The following RGS11 variants were observed in gnomAD, a reference collection of about 807,000 sequenced individuals.
RGS11 encodes regulator of G-protein signaling 11.
Under a neutral mutation model 71.1 loss-of-function variants are expected in RGS11, and 86 were observed. The observed-to-expected ratio is 1.21, with a 90% confidence interval of 1.02 to 1.45. RGS11 has a LOEUF of 1.45. Ranked by LOEUF, RGS11 falls within the 40% of genes most tolerant of loss-of-function variation. The pLI is 0.00. For synonymous variants in RGS11, 298 were observed against 254.2 expected (o/e 1.17, Z -1.64); for missense variants, 734 against 635.1 (o/e 1.16, Z -1.67).
Position 268,824 on chromosome 16 carries a change from C to T in RGS11, c.*445G>A, listed in dbSNP as rs572158496. 4.5e-5 allele frequency: 70 copies of T among 1,550,340 alleles called. No homozygotes were observed. In the African/African-American group the frequency reaches 6.2e-4, roughly 14 times the overall value. ...AGGCTCTTGGACGGGGCAGAGCTCG[C>T]GCCGAGACCTGCATGTCCGCGTCTT... On this transcript the variant is annotated 3_prime_UTR_variant, in exon 17 of 17. Transcript: ENST00000397770.
chr16:274,891 C>T (rs748803901), intron 4 of RGS11, 85 bp downstream of exon 4: 2 of 1,525,150 alleles, frequency 1.3e-6, no homozygotes, highest in East Asian at 2.5e-5. Flanking sequence ...GCAAGCTCGG[C>T]GCCCCTCCTG....
At position 271,003 on chromosome 16, in the gene RGS11, A is replaced by G. The variant is rs761698405; in HGVS notation, c.960T>C (p.Phe320=). The part of the protein sequence containing the change: ...DPVGRAHFMD[F]LGKEFSGENL... Reference sequence around the variant, plus strand: ...TCTCACCACTGAACTCCTTTCCCAGAAAGTCCATGAAGTGGGCCCGCCCCA... The same window carrying G: ...TCTCACCACTGAACTCCTTTCCCAGGAAGTCCATGAAGTGGGCCCGCCCCA... Residue 320 remains phenylalanine (F), a synonymous_variant, in exon 13 of 17, where the codon TTT becomes TTC. Coordinates refer to ENST00000397770, the MANE Select transcript of RGS11 (RefSeq NM_183337.3). 6.2e-7 allele frequency: 1 copy of G among 1,612,176 alleles called. No homozygotes were observed. Among genetic ancestry groups the G allele is most frequent in the Non-Finnish European group, 8.5e-7 (1 of 1,179,684 alleles).
rs1360201405 is a variant in RGS11, at chr16:269,294, G to C, written c.1379C>G (p.Pro460Arg). ...TPVEPTAACG[P>R]GGGDGVA The stretch of plus-strand genomic sequence containing the variant: ...CTAGGCCACCCCATCTCCACCCCCA[G>C]GGCCACAAGCCGCTGTGGGCTCCAC... The change falls in exon 17 of 17, where the codon CCT becomes CGT. Residue 460 changes from proline to arginine, a missense_variant. Transcript: ENST00000397770. 3 of 1,582,064 alleles carry C rather than the reference G, an allele frequency of 1.9e-6. No individual in the cohort carries two copies. The highest frequency in any genetic ancestry group is 2.6e-6 in the Non-Finnish European group (3 of 1,165,710).
At chr16:271,793 G>A (rs1426267953) in intron 9 of RGS11, 5 of 583,322 alleles carry the variant, frequency 8.6e-6, no homozygotes, top group African/African-American at 3.7e-5. Flanking sequence ...AATATTCCAC[G>A]GAACCTCAGG....
intron 9 of RGS11, chr16:271,816 C>G: frequency 3.5e-6 from 2 of 575,356 alleles, no homozygotes; most frequent in Non-Finnish European, 3.1e-6. Flanking sequence ...CTCAAAGTTG[C>G]AACTGTAATA....
Position 269,214 on chromosome 16 carries a change from C to A in RGS11, c.*55G>T. On this transcript the variant is annotated 3_prime_UTR_variant, in exon 17 of 17. Coordinates refer to ENST00000397770, the MANE Select transcript of RGS11 (RefSeq NM_183337.3). ...TGGGCCAAGACGGGGGTGGCTGCTG[C>A]ATTCACGCAGGACGTTGAGCTGCAG... is the stretch of plus-strand genomic sequence containing the variant. 7.7e-7 allele frequency: 1 copy of A among 1,295,718 alleles called. No individual in the cohort carries two copies. The highest frequency in any genetic ancestry group is 2.0e-5 in the Admixed American group (1 of 50,692). The allele number at this position is 1,295,718 out of a possible 1,614,324, so 80.3% of individuals were successfully genotyped here. A position where few individuals can be genotyped will look rare whatever the true frequency, so the allele number is the denominator to read the frequency against.
rs1044244275 is a variant in RGS11, at chr16:271,119, G to A, written c.864-20C>T. 1 of 1,597,710 alleles carries A rather than the reference G, an allele frequency of 6.3e-7. No individual in the cohort carries two copies. Among genetic ancestry groups the A allele is most frequent in the African/African-American group, 1.3e-5 (1 of 74,608 alleles). ...GCCACCCTGGGGAGAGGGCAGGGCTGTTGGGGAGGGTGGGGACTGACCCTC... is the reference window on the plus strand; with the variant it reads ...GCCACCCTGGGGAGAGGGCAGGGCTATTGGGGAGGGTGGGGACTGACCCTC... On this transcript the variant is annotated intron_variant, in intron 12 of 16. Coordinates refer to ENST00000397770, the MANE Select transcript of RGS11 (RefSeq NM_183337.3).
chr16:275,196 C>T (rs1596918887), intron 3 of RGS11, 87 bp downstream of exon 3: 1 of 1,602,378 alleles, frequency 6.2e-7, no homozygotes, highest in Non-Finnish European at 8.5e-7. Flanking sequence ...CTCAGCAGGG[C>T]TCTGAGAACT....
chr16:270,477 G>A (rs370470500), intron 15 of RGS11, 46 bp downstream of exon 15: 91 of 1,554,014 alleles, frequency 5.9e-5, no homozygotes, highest in Non-Finnish European at 6.9e-5. Context: ...ATGGAGGCCC[G>A]TCTGGGATGA....
intron 4 of RGS11, 61 bp from the exon 5 acceptor site, chr16:274,326 C>A: frequency 6.5e-7 from 1 of 1,546,500 alleles, no homozygotes; most frequent in Non-Finnish European, 8.8e-7. Context: ...CCAGTGTCAC[C>A]CCACCCTCAG....
intron 15 of RGS11, among the ~76,000 whole-genome samples, chr16:270,208 C>T (rs528098812): frequency 3.5e-3 from 539 of 152,156 alleles, no homozygotes; most frequent in South Asian, 8.9e-3. Context: ...GAGATCCCGC[C>T]ACTGCACTCC....
intron 15 of RGS11, among the ~76,000 whole-genome samples, 179 bp downstream of exon 15, chr16:270,344 C>A (rs577606952): frequency 2.0e-5 from 3 of 152,212 alleles, no homozygotes; most frequent in Non-Finnish European, 4.4e-5. Flanking sequence ...CCGGAGTGGG[C>A]TCAGGACGGA....
intron 15 of RGS11, among the ~76,000 whole-genome samples, 187 bp downstream of exon 15, chr16:270,336 G>C (rs1026895088): frequency 1.3e-5 from 2 of 152,224 alleles, no homozygotes; most frequent in Non-Finnish European, 2.9e-5. Context: ...GTCTGAACCC[G>C]GAGTGGGCTC....
intron 12 of RGS11, 41 bp downstream of exon 12, chr16:271,161 T>C: frequency 5.0e-6 from 8 of 1,606,530 alleles, no homozygotes; most frequent in Non-Finnish European, 6.8e-6. Context: ...CCCCCCAGGC[T>C]GGGAGCACAC....
chr16:269,361 GCCTCCAC>G lies in RGS11; in HGVS notation c.1305_1311del (p.Trp436HisfsTer48), dbSNP rs1567233536. ...GCAGGGCTGGGGCTCGAGTGCCGTG[GCCTCCAC>G]GTAAACGGGAACACGCTGTGGGCGA... On this transcript the variant is annotated frameshift_variant, in exon 17 of 17. Coordinates refer to ENST00000397770, the MANE Select transcript of RGS11 (RefSeq NM_183337.3). LOFTEE classifies it low-confidence loss of function (END_TRUNC). The G allele has an allele frequency of 1.2e-5, 19 of 1,603,624 alleles. 1 individual carries two copies. Among genetic ancestry groups the G allele is most frequent in the Middle Eastern group, 3.4e-4 (2 of 5,962 alleles).
intron 1 of RGS11, 77 bp from the exon 2 acceptor site, chr16:275,575 G>T: frequency 7.9e-7 from 1 of 1,262,252 alleles, no homozygotes; most frequent in Non-Finnish European, 1.1e-6. Context: ...GGATGCCCCG[G>T]ATCCGGGAGC....
At chr16:270,027 ATCATGAGGTTGGGAG>A (rs1281598422) in intron 15 of RGS11, 312 of 179,598 alleles carry the variant, frequency 1.7e-3, no homozygotes, top group African/African-American at 7.2e-3. Context: ...ATGCGGGTGG[ATCATGAGGTTGGGAG>A]ATCGAGACCG....
chr16:273,726 C>A (rs750552071), intron 7 of RGS11, 34 bp downstream of exon 7: 5 of 1,601,992 alleles, frequency 3.1e-6, no homozygotes, highest in Non-Finnish European at 4.3e-6. Flanking sequence ...GGGTTGGGCG[C>A]CTGCAGGCGG....
At chr16:269,427 T>C in intron 16 of RGS11, 44 bp from the exon 17 acceptor site, 1 of 1,586,724 alleles carries the variant, frequency 6.3e-7, no homozygotes, top group African/African-American at 1.3e-5. Flanking sequence ...CCAGCTGGTG[T>C]CCTGCCCACC....
Sources: allele counts gnomAD v4.1 joint callset (sites outside exome capture counted in the v4.1 genomes callset), GRCh38; gene constraint gnomAD v4.1.1; transcripts MANE v1.5; gene names NCBI Gene and HGNC (gene_info 2026-07-23, HGNC 2026-07-21).